RSRC1: variants seen among roughly 807,000 people sequenced by gnomAD.
The protein encoded by RSRC1 is arginine and serine rich coiled-coil 1.
In RSRC1, 39 loss-of-function variants were observed where a neutral mutation model predicts 49.1. The observed-to-expected ratio is 0.79, with a 90% confidence interval of 0.61 to 1.04. RSRC1 has a LOEUF of 1.04. RSRC1 is among the 50% of genes least tolerant of loss of function. The pLI is 0.00. For missense variants in RSRC1, 388 were observed against 402.4 expected, an observed-to-expected ratio of 0.96 and a Z score of 0.31; for synonymous variants, 143 against 130.8, an observed-to-expected ratio of 1.09 and a Z score of -0.63.
At chr3:158,132,544 T>C (rs1352494571) in intron 3 of RSRC1, among the ~76,000 whole-genome samples, 1 of 152,188 alleles carries the variant, frequency 6.6e-6, no homozygotes, top group African/African-American at 2.4e-5. Context: ...TGAAAAATGC[T>C]GAGTTTTTTG....
chr3:158,242,515 G>A (rs1041148711), intron 4 of RSRC1, among the ~76,000 whole-genome samples: 5 of 152,034 alleles, frequency 3.3e-5, no homozygotes, highest in Admixed American at 6.6e-5. Flanking sequence ...ATGAACACAC[G>A]TGTGCATGTA....
At chr3:158,172,551 T>A (rs868593629) in intron 3 of RSRC1, among the ~76,000 whole-genome samples, 4 of 152,254 alleles carry the variant, frequency 2.6e-5, no homozygotes, top group Middle Eastern at 3.4e-3. Flanking sequence ...CCTCCAAACT[T>A]ATGCAGTTAT....
intron 1 of RSRC1, among the ~76,000 whole-genome samples, chr3:158,110,993 T>C (rs1170268819): frequency 3.3e-5 from 5 of 152,364 alleles, no homozygotes; most frequent in African/African-American, 1.2e-4. Flanking sequence ...AAAATATTTT[T>C]TTACACTTTC....
At chr3:158,305,849 TG>T (rs2108133483) in intron 5 of RSRC1, among the ~76,000 whole-genome samples, 1 of 152,224 alleles carries the variant, frequency 6.6e-6, no homozygotes, top group Admixed American at 6.6e-5. Context: ...GGCACACAAC[TG>T]CTCTGTTTCA....
chr3:158,430,076 A>AAAAAAATAAAAT (rs528618951), intron 6 of RSRC1, among the ~76,000 whole-genome samples: 2 of 149,672 alleles, frequency 1.3e-5, no homozygotes, highest in African/African-American at 4.9e-5. Flanking sequence ...CACACACAAA[A>AAAAAAATAAAAT]AAAATAAAAT....
chr3:158,148,359 G>A (rs1456820822), intron 3 of RSRC1, among the ~76,000 whole-genome samples: 1 of 99,086 alleles, frequency 1.0e-5, no homozygotes, highest in East Asian at 3.4e-4. Flanking sequence ...AGGTGTGTGT[G>A]TGTGTGCGTG....
intron 7 of RSRC1, among the ~76,000 whole-genome samples, chr3:158,516,087 T>C (rs1266964465): frequency 1.3e-5 from 2 of 152,262 alleles, no homozygotes; most frequent in African/African-American, 2.4e-5. Flanking sequence ...TGAAGCCTTC[T>C]TCTCTCAGCT....
intron 7 of RSRC1, among the ~76,000 whole-genome samples, chr3:158,497,733 C>T (rs1456187623): frequency 6.6e-6 from 1 of 152,158 alleles, no homozygotes; most frequent in Non-Finnish European, 1.5e-5. Flanking sequence ...CCACGCCCAG[C>T]CCATTGTATC....
At chr3:158,438,884 C>T (rs928271487) in intron 6 of RSRC1, among the ~76,000 whole-genome samples, 28 of 152,010 alleles carry the variant, frequency 1.8e-4, no homozygotes, top group Non-Finnish European at 4.0e-4. Context: ...GACAGGCAAC[C>T]TACAGAATAG....
intron 6 of RSRC1, among the ~76,000 whole-genome samples, chr3:158,372,392 A>G (rs1344223137): frequency 2.0e-5 from 3 of 151,872 alleles, no homozygotes; most frequent in Non-Finnish European, 2.9e-5. Context: ...TTCCAGTGCC[A>G]TTTGTTGAAA....
intron 4 of RSRC1, among the ~76,000 whole-genome samples, chr3:158,236,244 G>A (rs1292983667): frequency 2.6e-5 from 4 of 152,114 alleles, no homozygotes; most frequent in Non-Finnish European, 5.9e-5. Flanking sequence ...AAGAGAGTTT[G>A]TCTACCCTTC....
chr3:158,269,622 C>G (rs761163887), intron 4 of RSRC1, among the ~76,000 whole-genome samples: 17 of 152,074 alleles, frequency 1.1e-4, no homozygotes, highest in Non-Finnish European at 2.4e-4. Flanking sequence ...AAGTGACTCT[C>G]CTGCCTCAGC....
chr3:158,203,042 AGTT>A, intron 3 of RSRC1, 27 bp from the exon 4 acceptor site: 1 of 1,551,514 alleles, frequency 6.4e-7, no homozygotes, highest in Non-Finnish European at 8.8e-7. Flanking sequence ...TTATACACTA[AGTT>A]TATTTAACAA....
At chr3:158,335,298 G>A (rs1486487109) in intron 5 of RSRC1, among the ~76,000 whole-genome samples, 4 of 152,152 alleles carry the variant, frequency 2.6e-5, no homozygotes, top group South Asian at 2.1e-4. Flanking sequence ...AAGAATGACC[G>A]GACACAAAGG....
At chr3:158,262,411 G>A (rs935972214) in intron 4 of RSRC1, among the ~76,000 whole-genome samples, 6 of 151,922 alleles carry the variant, frequency 3.9e-5, no homozygotes, top group African/African-American at 7.2e-5. Flanking sequence ...TTGTATCTTC[G>A]TAAAAAAAAT....
In RSRC1 at chr3:158,130,850, G is replaced by T. The variant is rs181415503; in HGVS notation, c.320+6859G>T. 1.9e-3 allele frequency among the ~76,000 whole-genome samples: 291 copies of T among 152,164 alleles called. 2 individuals carry two copies. The highest frequency in any genetic ancestry group is 8.2e-4 in the Non-Finnish European group (56 of 67,982). On this transcript the variant is annotated intron_variant, in intron 3 of 9. Transcript: ENST00000611884. ...TTACATATTTTTGTATGTTTAGTTTGTATCCTGTAACCTTTCCACTCTTAT... is the reference window on the plus strand; with the variant it reads ...TTACATATTTTTGTATGTTTAGTTTTTATCCTGTAACCTTTCCACTCTTAT...
chr3:158,455,517 A>ATAAATTT (rs1322169750), intron 6 of RSRC1, among the ~76,000 whole-genome samples: 1 of 152,136 alleles, frequency 6.6e-6, no homozygotes, highest in Non-Finnish European at 1.5e-5. Context: ...AATTTTAAAA[A>ATAAATTT]TAAAATTGGT....
chr3:158,354,838 T>TC lies in RSRC1; in HGVS notation c.532-19_532-18insC. ...GTAAAAGTCTTGTATGGTTGAATTT[T>TC]TTTTTTTTTCTTTTTTAGCCACCAG... is the stretch of plus-strand genomic sequence containing the variant. On this transcript the variant is annotated intron_variant, in intron 5 of 9. Transcript: ENST00000611884. 1 of 1,538,110 alleles carries TC rather than the reference T, an allele frequency of 6.5e-7. No homozygotes were observed. The highest frequency in any genetic ancestry group is 8.7e-7 in the Non-Finnish European group (1 of 1,143,808).
chr3:158,232,485 A>G lies in RSRC1; in HGVS notation c.494+29240A>G, dbSNP rs1266197445. Among the ~76,000 whole-genome samples, 4 of 152,216 alleles carry G rather than the reference A, an allele frequency of 2.6e-5. No homozygotes were observed. In the East Asian group the frequency reaches 7.7e-4, roughly 29 times the overall value. ...CATACTCACAAGAACATCTGTGAAC[A>G]CGTTGCTTGAAATTAGATGTTTACA... On this transcript the variant is annotated intron_variant, in intron 4 of 9. Transcript: ENST00000611884.
Sources: allele counts gnomAD v4.1 joint callset (sites outside exome capture counted in the v4.1 genomes callset), GRCh38; gene constraint gnomAD v4.1.1; transcripts MANE v1.5; gene names NCBI Gene and HGNC (gene_info 2026-07-23, HGNC 2026-07-21).